The following OSBPL3 variants were observed in gnomAD, a reference collection of about 807,000 sequenced individuals.
The protein encoded by OSBPL3 is oxysterol-binding protein-related protein 3.
OSBPL3 carries 65 observed loss-of-function variants against 120.1 expected under a neutral mutation model. The observed-to-expected ratio is 0.54, with a 90% confidence interval of 0.44 to 0.67. The LOEUF (loss-of-function observed/expected upper bound fraction) is 0.67. Among genes scored for constraint, OSBPL3 ranks in the 30% least tolerant of loss-of-function variants. OSBPL3 has a pLI of 0.00. For missense variants in OSBPL3, 1,004 were observed against 1,082.1 expected (o/e 0.93, Z 1.01); for synonymous variants, 416 against 402.6 (o/e 1.03, Z -0.40).
At chr7:24,904,207 A>T (rs978510344) in intron 1 of OSBPL3, among the ~76,000 whole-genome samples, 2 of 152,142 alleles carry the variant, frequency 1.3e-5, no homozygotes, top group Admixed American at 6.5e-5. Context: ...TAACAGCATG[A>T]CAAGGAAGAC....
rs1469489979 is a variant in OSBPL3, at chr7:24,916,266, G to A, written c.-149-23645C>T. 6.6e-6 allele frequency among the ~76,000 whole-genome samples: 1 copy of A among 152,068 alleles called. No homozygotes were observed. Among genetic ancestry groups the A allele is most frequent in the Non-Finnish European group, 1.5e-5 (1 of 67,994 alleles). On this transcript the variant is annotated intron_variant, in intron 1 of 22. Coordinates refer to ENST00000313367, the MANE Select transcript of OSBPL3 (RefSeq NM_015550.4). The surrounding 1 kb of genome is among the most constrained non-coding windows in gnomAD (Gnocchi z 4.9). ...TGTTTTACTTTTAAAGCCATGTTTT[G>A]TTTGAACTCAGTCTTACACAATTAT...
intron 1 of OSBPL3, among the ~76,000 whole-genome samples, chr7:24,954,391 A>C (rs986961853): frequency 2.0e-5 from 3 of 152,236 alleles, no homozygotes; most frequent in African/African-American, 7.2e-5. Context: ...TATATAATTA[A>C]GAATGTTGTT....
chr7:24,913,724 T>C lies in OSBPL3; in HGVS notation c.-149-21103A>G, dbSNP rs1028827131. ...CATTTATCTTCATAATAGTTGAAGC[T>C]GTGATTGGGAGTGCATTGTCATGTG... is the stretch of plus-strand genomic sequence containing the variant. On this transcript the variant is annotated intron_variant, in intron 1 of 22. Transcript: ENST00000313367. This position sits in a 1 kb window ranked among gnomAD's most constrained non-coding sequence, Gnocchi z 5.3. Among the ~76,000 whole-genome samples the C allele has an allele frequency of 5.9e-5, 9 of 152,156 alleles. No individual in the cohort carries two copies. Among genetic ancestry groups the C allele is most frequent in the African/African-American group, 2.2e-4 (9 of 41,444 alleles).
At chr7:24,812,807 T>G (rs1445845228) in intron 19 of OSBPL3, among the ~76,000 whole-genome samples, 1 of 152,182 alleles carries the variant, frequency 6.6e-6, no homozygotes, top group African/African-American at 2.4e-5. Context: ...AAATTTAAAG[T>G]TGAGCTCTCC....
chr7:24,828,606 G>GAAAAAAGA (rs1491571662), intron 16 of OSBPL3, among the ~76,000 whole-genome samples: 805 of 32,498 alleles, frequency 0.025, 37 homozygotes, highest in Middle Eastern at 0.052. Context: ...GACTCTGTCT[G>GAAAAAAGA]AAAAAAAAAA....
rs1414243091 is a variant in OSBPL3, at chr7:24,828,605, T to TGAA, written c.1884+2160_1884+2162dup. 1.6e-3 allele frequency among the ~76,000 whole-genome samples: 94 copies of TGAA among 59,512 alleles called. 4 individuals are homozygous for TGAA. The highest frequency in any genetic ancestry group is 0.013 in the Middle Eastern group (1 of 78). 39.0% of individuals were successfully genotyped at this position (59,512 alleles called of 152,430 possible). ...CTGGGCGACAAAGTGAGACTCTGTC[T>TGAA]GAAAAAAAAAAAAAAAGAAAAAAAA... On this transcript the variant is annotated intron_variant, in intron 16 of 22. Transcript: ENST00000313367.
chr7:24,815,534 T>C lies in OSBPL3; in HGVS notation c.2028-331A>G, dbSNP rs995745334. Among the ~76,000 whole-genome samples, 2 of 152,218 alleles carry C rather than the reference T, an allele frequency of 1.3e-5. No individual in the cohort carries two copies. The highest frequency in any genetic ancestry group is 2.4e-5 in the African/African-American group (1 of 41,460). ...CAGAGCCAGAGGGGCTTGTCTAATGTTGCTGAACTAGGAAAGGGAAGCTTG... is the reference window on the plus strand; with the variant it reads ...CAGAGCCAGAGGGGCTTGTCTAATGCTGCTGAACTAGGAAAGGGAAGCTTG... On this transcript the variant is annotated intron_variant, in intron 18 of 22. Transcript: ENST00000313367. The surrounding 1 kb of genome is among the most constrained non-coding windows in gnomAD (Gnocchi z 5.1).
At position 24,900,469 on chromosome 7, in the gene OSBPL3, C is replaced by T. The variant is rs1806824753; in HGVS notation, c.-149-7848G>A. ...GAAGTCACAGTTTCCAAGAACTTATCAATGAAGATACATGAGGACTTAGTG... is the reference window on the plus strand; with the variant it reads ...GAAGTCACAGTTTCCAAGAACTTATTAATGAAGATACATGAGGACTTAGTG... On this transcript the variant is annotated intron_variant, in intron 1 of 22. Transcript: ENST00000313367. The surrounding 1 kb of genome is among the most constrained non-coding windows in gnomAD (Gnocchi z 4.5). Among the ~76,000 whole-genome samples, 2 of 152,214 alleles carry T rather than the reference C, an allele frequency of 1.3e-5. No individual in the cohort carries two copies. The highest frequency in any genetic ancestry group is 1.5e-5 in the Non-Finnish European group (1 of 68,048).
intron 1 of OSBPL3, among the ~76,000 whole-genome samples, chr7:24,973,717 G>A (rs1255142308): frequency 1.3e-5 from 2 of 152,162 alleles, no homozygotes; most frequent in Non-Finnish European, 2.9e-5. Context: ...GAAGGCTACA[G>A]CCTGCCTGCA....
intron 1 of OSBPL3, among the ~76,000 whole-genome samples, chr7:24,919,309 A>G (rs1810095361): frequency 6.6e-6 from 1 of 152,194 alleles, no homozygotes; most frequent in Non-Finnish European, 1.5e-5. Flanking sequence ...AAAGACAGAC[A>G]TACAGATCAG....
At position 24,830,795 on chromosome 7, in the gene OSBPL3, G is replaced by A. The variant is rs1379674586; in HGVS notation, c.1857C>T (p.Asp619=). 6.2e-7 allele frequency: 1 copy of A among 1,613,156 alleles called. No homozygotes were observed. Among genetic ancestry groups the A allele is most frequent in the Admixed American group, 1.7e-5 (1 of 59,786 alleles). ...GTTCTGAAAAAAACTGGAAGCCCTT[G>A]TCCTCCCGAATACATTCATATGTTT... ...LGETYECIRE[D]KGFQFFSEQV... is the part of the protein sequence containing the mutation. The change falls in exon 16 of 23, where the codon GAC becomes GAT. Residue 619 remains aspartate, a synonymous_variant. Coordinates refer to ENST00000313367, the MANE Select transcript of OSBPL3 (RefSeq NM_015550.4). This position sits in a 1 kb window ranked among gnomAD's most constrained non-coding sequence, Gnocchi z 4.4.
At chr7:24,875,481 A>G (rs1802718477) in intron 2 of OSBPL3, among the ~76,000 whole-genome samples, 1 of 152,170 alleles carries the variant, frequency 6.6e-6, no homozygotes, top group Non-Finnish European at 1.5e-5. Context: ...CATTCTTTGA[A>G]TTTTCCTTTA....
At chr7:24,980,522 C>T (rs2128558959), upstream of OSBPL3, among the ~76,000 whole-genome samples, 1 of 152,050 alleles carries the variant, frequency 6.6e-6, no homozygotes, top group African/African-American at 2.4e-5. Flanking sequence ...CCTCTAGTGG[C>T]TTTTCCGGGC....
In OSBPL3 at chr7:24,918,538, C is replaced by T. The variant is rs1055615839; in HGVS notation, c.-149-25917G>A. Among the ~76,000 whole-genome samples, 5 of 152,178 alleles carry T rather than the reference C, an allele frequency of 3.3e-5. No individual in the cohort carries two copies. Among genetic ancestry groups the T allele is most frequent in the African/African-American group, 4.8e-5 (2 of 41,442 alleles). On this transcript the variant is annotated intron_variant, in intron 1 of 22. Coordinates refer to ENST00000313367, the MANE Select transcript of OSBPL3 (RefSeq NM_015550.4). This position sits in a 1 kb window ranked among gnomAD's most constrained non-coding sequence, Gnocchi z 4.3. The stretch of plus-strand genomic sequence containing the variant: ...AATACCTCATAATTAAATATTCACA[C>T]AACTGTTATGTGGGCTTACTTAGAA...
intron 12 of OSBPL3, among the ~76,000 whole-genome samples, chr7:24,844,837 T>C (rs35271082): frequency 0.21 from 32,670 of 152,064 alleles, 3,630 homozygotes; most frequent in East Asian, 0.3. Context: ...AATATCTGTG[T>C]ACAAATTTTA....
chr7:24,945,933 T>C (rs566815840), intron 1 of OSBPL3, among the ~76,000 whole-genome samples: 61 of 152,346 alleles, frequency 4.0e-4, no homozygotes, highest in African/African-American at 1.3e-3. Flanking sequence ...ATAGCAGCTA[T>C]TTTATCTGGC....
Position 24,881,859 on chromosome 7 carries a change from T to C in OSBPL3, c.97-9790A>G, listed in dbSNP as rs1359315728. ...CCCTCTGGTGGCTGCCAGCATTCCATGGCATGGCTTGGCTTGTAGCTGCAT... is the reference window on the plus strand; with the variant it reads ...CCCTCTGGTGGCTGCCAGCATTCCACGGCATGGCTTGGCTTGTAGCTGCAT... On this transcript the variant is annotated intron_variant, in intron 2 of 22. Coordinates refer to ENST00000313367, the MANE Select transcript of OSBPL3 (RefSeq NM_015550.4). This position sits in a 1 kb window ranked among gnomAD's most constrained non-coding sequence, Gnocchi z 4.3. Among the ~76,000 whole-genome samples, 1 of 152,200 alleles carries C rather than the reference T, an allele frequency of 6.6e-6. No homozygotes were observed. Among genetic ancestry groups the C allele is most frequent in the East Asian group, 1.9e-4 (1 of 5,200 alleles).
chr7:24,896,396 C>T lies in OSBPL3; in HGVS notation c.-149-3775G>A, dbSNP rs573640373. Among the ~76,000 whole-genome samples the T allele has an allele frequency of 3.9e-5, 6 of 152,344 alleles. No homozygotes were observed. The East Asian group carries it at 5.8e-4, about 15-fold the overall frequency. On this transcript the variant is annotated intron_variant, in intron 1 of 22. Transcript: ENST00000313367. This position sits in a 1 kb window ranked among gnomAD's most constrained non-coding sequence, Gnocchi z 4.4. Reference sequence around the variant, plus strand: ...GCTGATGGGTCAGGACTGTGTGAAACGCTAGTGTTTTGGTTAAAAGTCAAA... The same window carrying T: ...GCTGATGGGTCAGGACTGTGTGAAATGCTAGTGTTTTGGTTAAAAGTCAAA...
chr7:24,969,623 T>C, intron 1 of OSBPL3, among the ~76,000 whole-genome samples: 1 of 152,238 alleles, frequency 6.6e-6, no homozygotes, highest in East Asian at 1.9e-4. Context: ...TTTTATTTTT[T>C]GCCTGATTTT....
Sources: gnomAD v4.1 joint callset for allele counts (sites outside exome capture counted in the v4.1 genomes callset) on GRCh38, gnomAD v4.1.1 for gene constraint, Gnocchi (gnomAD v3.1) non-coding constraint, MANE v1.5 for transcripts, NCBI Gene and HGNC (gene_info 2026-07-23, HGNC 2026-07-21) for gene names.